Variants in MDGA2 observed in about 807,000 individuals in gnomAD.
MDGA2 encodes the protein MAM domain containing glycosylphosphatidylinositol anchor 2.
MDGA2 carries 40 observed loss-of-function variants against 117.8 expected under a neutral mutation model. The ratio of observed to expected loss-of-function variants is 0.34; its 90% CI spans 0.26 to 0.44. MDGA2 has a LOEUF of 0.44. Among genes scored for constraint, MDGA2 ranks in the 20% least tolerant of loss-of-function variants. MDGA2 has a pLI of 1.00. For synonymous variants in MDGA2, 452 were observed against 439.0 expected (o/e 1.03, Z -0.37); for missense variants, 1,123 against 1,250.6 (o/e 0.90, Z 1.54).
intron 11 of MDGA2, among the ~76,000 whole-genome samples, chr14:46,877,910 C>G (rs1476971290): frequency 6.6e-6 from 1 of 151,826 alleles, no homozygotes; most frequent in East Asian, 1.9e-4. Context: ...AGCAGAGTTT[C>G]CACTTTTGTT....
chr14:47,202,542 G>C (rs533121917), intron 3 of MDGA2, among the ~76,000 whole-genome samples: 6 of 151,342 alleles, frequency 4.0e-5, no homozygotes, highest in Non-Finnish European at 8.8e-5. Flanking sequence ...GCCATTTGTC[G>C]ATAGGAATTA....
intron 8 of MDGA2, among the ~76,000 whole-genome samples, chr14:47,022,285 C>T (rs1425082582): frequency 6.6e-6 from 1 of 152,006 alleles, no homozygotes; most frequent in Non-Finnish European, 1.5e-5. Context: ...TGGGGTGTTT[C>T]CCGGGCTTGT....
chr14:47,251,202 T>A lies in MDGA2; in HGVS notation c.421-33007A>T, dbSNP rs531003241. 2.2e-4 allele frequency among the ~76,000 whole-genome samples: 34 copies of A among 152,330 alleles called. No homozygotes were observed. The South Asian group carries it at 6.4e-3, about 29-fold the overall frequency. ...TCCTAGAATTCTTCATTGCAGTCCT[T>A]GCTTCAGGGCCTTTTCACCTACTCT... On this transcript the variant is annotated intron_variant, in intron 2 of 16. Transcript: ENST00000399232.
At chr14:47,217,954 C>T in intron 3 of MDGA2, 67 bp downstream of exon 3, 2 of 1,297,048 alleles carry the variant, frequency 1.5e-6, no homozygotes, top group South Asian at 3.6e-5. Context: ...TTCAGAAAAC[C>T]ATAGACTTGT....
intron 8 of MDGA2, among the ~76,000 whole-genome samples, chr14:46,964,483 G>A (rs940192703): frequency 6.6e-6 from 1 of 152,158 alleles, no homozygotes; most frequent in Non-Finnish European, 1.5e-5. Context: ...GCTGGTTCAG[G>A]AAGGAAAGAA....
At chr14:47,181,073 A>G (rs1884685070) in intron 3 of MDGA2, among the ~76,000 whole-genome samples, 1 of 152,170 alleles carries the variant, frequency 6.6e-6, no homozygotes, top group African/African-American at 2.4e-5. Context: ...TATTCTATTT[A>G]TTTAAAATAT....
chr14:47,145,013 A>T (rs908422147), intron 3 of MDGA2, among the ~76,000 whole-genome samples: 5 of 151,864 alleles, frequency 3.3e-5, no homozygotes, highest in Non-Finnish European at 7.4e-5. Context: ...TAATTTAAAA[A>T]TTACAAATGA....
At chr14:47,433,773 C>A (rs1448440211) in intron 1 of MDGA2, among the ~76,000 whole-genome samples, 1 of 152,070 alleles carries the variant, frequency 6.6e-6, no homozygotes, top group Non-Finnish European at 1.5e-5. Context: ...TCAAAGCAGA[C>A]AAAGCATTAT....
At chr14:47,453,758 TTTG>T (rs1279349277) in intron 1 of MDGA2, among the ~76,000 whole-genome samples, 34 of 152,308 alleles carry the variant, frequency 2.2e-4, no homozygotes, top group African/African-American at 7.5e-4. Context: ...TCTGAAATTC[TTTG>T]TTAAGCTCTG....
At chr14:46,938,889 GAT>G (rs1447148923) in intron 9 of MDGA2, among the ~76,000 whole-genome samples, 1 of 152,076 alleles carries the variant, frequency 6.6e-6, no homozygotes, top group Non-Finnish European at 1.5e-5. Flanking sequence ...TGACTTGAAA[GAT>G]AAAATGTAGT....
At chr14:47,051,958 T>C (rs1224213785) in intron 7 of MDGA2, among the ~76,000 whole-genome samples, 1 of 151,862 alleles carries the variant, frequency 6.6e-6, no homozygotes, top group Non-Finnish European at 1.5e-5. Flanking sequence ...TCAGGATTGG[T>C]CTTGGTATTA....
At chr14:47,136,848 T>G (rs1427122033) in intron 4 of MDGA2, among the ~76,000 whole-genome samples, 1 of 152,184 alleles carries the variant, frequency 6.6e-6, no homozygotes, top group African/African-American at 2.4e-5. Flanking sequence ...ATAGGAACTT[T>G]AAAAATCTTT....
intron 1 of MDGA2, among the ~76,000 whole-genome samples, chr14:47,525,712 G>A (rs1894958317): frequency 6.6e-6 from 1 of 151,484 alleles, no homozygotes; most frequent in African/African-American, 2.4e-5. Flanking sequence ...TAAAAAAAAA[G>A]CTTAATTGAT....
intron 1 of MDGA2, among the ~76,000 whole-genome samples, chr14:47,355,836 G>A (rs923170761): frequency 2.0e-5 from 3 of 152,144 alleles, no homozygotes; most frequent in Admixed American, 6.5e-5. Context: ...CCCTGAGTGG[G>A]AACTCTCAGA....
chr14:47,201,954 GTTATT>G (rs1885523654), intron 3 of MDGA2, among the ~76,000 whole-genome samples: 1 of 152,140 alleles, frequency 6.6e-6, no homozygotes, highest in Non-Finnish European at 1.5e-5. Flanking sequence ...GCTATGAGAT[GTTATT>G]TTATTATTGT....
At chr14:47,012,194 G>GA (rs1887918395) in intron 8 of MDGA2, among the ~76,000 whole-genome samples, 1 of 152,038 alleles carries the variant, frequency 6.6e-6, no homozygotes, top group Admixed American at 6.6e-5. Context: ...TATGTCTCCT[G>GA]AAAAATCTCT....
At chr14:47,090,601 A>G (rs538900192) in intron 6 of MDGA2, among the ~76,000 whole-genome samples, 2 of 152,314 alleles carry the variant, frequency 1.3e-5, no homozygotes, top group East Asian at 3.9e-4. Context: ...CTGTTCCATA[A>G]CAGGGTAGAG....
chr14:47,587,825 T>C (rs140916335), intron 1 of MDGA2, among the ~76,000 whole-genome samples: 2,182 of 152,054 alleles, frequency 0.014, 47 homozygotes, highest in African/African-American at 0.049. Flanking sequence ...AATTCCAGAA[T>C]GTTTTCATCA....
At chr14:47,156,984 A>G (rs1019808078) in intron 3 of MDGA2, among the ~76,000 whole-genome samples, 1 of 152,194 alleles carries the variant, frequency 6.6e-6, no homozygotes, top group Non-Finnish European at 1.5e-5. Context: ...CCACAACCTG[A>G]CTGAAATGGT....
Sources: gnomAD v4.1 joint callset for allele counts (sites outside exome capture counted in the v4.1 genomes callset) on GRCh38, gnomAD v4.1.1 for gene constraint, MANE v1.5 for transcripts, NCBI Gene and HGNC (gene_info 2026-07-23, HGNC 2026-07-21) for gene names.